Variants in GPR158 observed in about 807,000 individuals in gnomAD.
GPR158 encodes the protein metabotropic glycine receptor.
GPR158 carries 30 observed loss-of-function variants against 78.2 expected under a neutral mutation model. The ratio of observed to expected loss-of-function variants is 0.38; its 90% CI spans 0.29 to 0.52. The LOEUF (loss-of-function observed/expected upper bound fraction) is 0.52, where lower values mean the gene tolerates loss of function less well. GPR158 is among the 20% of genes least tolerant of loss of function. The pLI is 0.83. For synonymous variants in GPR158, 581 were observed against 591.1 expected (o/e 0.98, Z 0.25); for missense variants, 1,463 against 1,523.5 (o/e 0.96, Z 0.66).
chr10:25,573,523 G>A (rs532210543), intron 7 of GPR158, among the ~76,000 whole-genome samples: 3 of 152,266 alleles, frequency 2.0e-5, no homozygotes, highest in African/African-American at 7.2e-5. Flanking sequence ...CCCAAAACAC[G>A]GATTATTTTT....
intron 5 of GPR158, among the ~76,000 whole-genome samples, chr10:25,545,293 C>G (rs1368013853): frequency 6.6e-6 from 1 of 152,200 alleles, no homozygotes; most frequent in Non-Finnish European, 1.5e-5. Context: ...CTGTCTTCCA[C>G]AATGGCTGAA....
chr10:25,194,358 G>A (rs1852816608), intron 1 of GPR158, among the ~76,000 whole-genome samples: 1 of 152,212 alleles, frequency 6.6e-6, no homozygotes, highest in African/African-American at 2.4e-5. Context: ...GGCCAACATG[G>A]TGAAACCCCA....
At chr10:25,360,855 T>A (rs1485126340) in intron 2 of GPR158, among the ~76,000 whole-genome samples, 1 of 152,118 alleles carries the variant, frequency 6.6e-6, no homozygotes. Flanking sequence ...CTTTGGGCAG[T>A]GTGGCCATTT....
At chr10:25,574,438 A>AAGTT (rs1837059990) in intron 7 of GPR158, among the ~76,000 whole-genome samples, 1 of 152,192 alleles carries the variant, frequency 6.6e-6, no homozygotes, top group South Asian at 2.1e-4. Flanking sequence ...TTAAAAAGCA[A>AAGTT]AGTTAGGTGG....
intron 2 of GPR158, among the ~76,000 whole-genome samples, chr10:25,300,798 A>G (rs1854580920): frequency 6.6e-6 from 1 of 152,128 alleles, no homozygotes; most frequent in South Asian, 2.1e-4. Context: ...TGTGATGCAA[A>G]GAAATAGAAA....
chr10:25,373,125 T>G (rs1282469901), intron 2 of GPR158, among the ~76,000 whole-genome samples: 3 of 151,864 alleles, frequency 2.0e-5, no homozygotes, highest in Non-Finnish European at 4.4e-5. Flanking sequence ...AGCCATAAAA[T>G]AGGAGATCCT....
intron 1 of GPR158, among the ~76,000 whole-genome samples, chr10:25,195,869 G>A (rs572325913): frequency 1.8e-4 from 27 of 152,204 alleles, no homozygotes; most frequent in African/African-American, 6.5e-4. Context: ...TTTGCCCTCA[G>A]AATTTTAAAC....
At chr10:25,378,469 C>T (rs1834114283) in intron 2 of GPR158, among the ~76,000 whole-genome samples, 1 of 151,524 alleles carries the variant, frequency 6.6e-6, no homozygotes, top group South Asian at 2.1e-4. Flanking sequence ...TTCCTTCTTT[C>T]TTATTTTATT....
rs556352895 is a variant in GPR158, at chr10:25,469,834, C to A, written c.1404+3115C>A. Reference sequence around the variant, plus strand: ...AGATGCAGCAAGAATCTAATGAGCCCCCCCCAACATTCACTGCTACCACCT... The same window carrying A: ...AGATGCAGCAAGAATCTAATGAGCCACCCCCAACATTCACTGCTACCACCT... On this transcript the variant is annotated intron_variant, in intron 5 of 10. Transcript: ENST00000376351. Among the ~76,000 whole-genome samples the A allele has an allele frequency of 9.2e-5, 14 of 151,674 alleles. 1 individual carries two copies. The East Asian group carries it at 2.3e-3, about 25-fold the overall frequency.
intron 2 of GPR158, among the ~76,000 whole-genome samples, chr10:25,241,240 CCTTT>C (rs1307373790): frequency 2.5e-5 from 3 of 121,240 alleles, no homozygotes; most frequent in African/African-American, 6.5e-5. Context: ...TCCTTTCTTT[CCTTT>C]CTTTCCTTTC....
rs184034124 is a variant in GPR158 at position 25,416,015 on chromosome 10, A to T, written c.1335+3542A>T. Among the ~76,000 whole-genome samples the T allele has an allele frequency of 2.5e-4, 38 of 152,260 alleles. No homozygotes were observed. In the East Asian group the frequency reaches 7.1e-3, roughly 29 times the overall value. ...TATTAAAGTATGTGTATTATATCTC[A>T]ATAAATCTATTACAAATTTTTAAAG... On this transcript the variant is annotated intron_variant, in intron 4 of 10. Transcript: ENST00000376351.
intron 2 of GPR158, among the ~76,000 whole-genome samples, chr10:25,246,582 G>A (rs912963580): frequency 6.6e-6 from 1 of 152,200 alleles, no homozygotes; most frequent in Non-Finnish European, 1.5e-5. Context: ...ATAGAATGAT[G>A]AGTGACATGG....
chr10:25,199,240 A>G (rs1331787056), intron 1 of GPR158, among the ~76,000 whole-genome samples: 1 of 151,914 alleles, frequency 6.6e-6, no homozygotes, highest in Non-Finnish European at 1.5e-5. Flanking sequence ...TACCCAAGTA[A>G]TAAGCAGATT....
At chr10:25,502,341 C>T (rs1400999988) in intron 5 of GPR158, among the ~76,000 whole-genome samples, 2 of 152,174 alleles carry the variant, frequency 1.3e-5, no homozygotes, top group African/African-American at 4.8e-5. Context: ...GAGCATCTCC[C>T]ATGTGTCAAG....
chr10:25,462,980 A>G (rs1407516713), intron 4 of GPR158, among the ~76,000 whole-genome samples: 1 of 152,226 alleles, frequency 6.6e-6, no homozygotes, highest in Non-Finnish European at 1.5e-5. Context: ...CATGCTATCA[A>G]ACAGCATCAC....
intron 2 of GPR158, among the ~76,000 whole-genome samples, chr10:25,264,821 T>A (rs538341810): frequency 1.6e-4 from 24 of 152,312 alleles, no homozygotes; most frequent in South Asian, 2.1e-4. Context: ...AAGAGTACCT[T>A]TTCCAGTTTC....
intron 2 of GPR158, among the ~76,000 whole-genome samples, chr10:25,314,331 C>T (rs935567205): frequency 2.6e-5 from 4 of 152,106 alleles, no homozygotes; most frequent in African/African-American, 9.7e-5. Flanking sequence ...AATCTCTTGA[C>T]CTCATGATCT....
At chr10:25,476,784 G>A (rs186757582) in intron 5 of GPR158, among the ~76,000 whole-genome samples, 1 of 152,180 alleles carries the variant, frequency 6.6e-6, no homozygotes, top group East Asian at 1.9e-4. Context: ...ACGGGAGGCT[G>A]GGAAGGCCCA....
At chr10:25,497,584 T>A (rs903173163) in intron 5 of GPR158, among the ~76,000 whole-genome samples, 3 of 152,178 alleles carry the variant, frequency 2.0e-5, no homozygotes, top group Non-Finnish European at 4.4e-5. Context: ...AAGATAGGAC[T>A]CTTCAGGAGA....
Sources: allele counts gnomAD v4.1 joint callset (sites outside exome capture counted in the v4.1 genomes callset), GRCh38; gene constraint gnomAD v4.1.1; transcripts MANE v1.5; gene names NCBI Gene and HGNC (gene_info 2026-07-23, HGNC 2026-07-21).